Variants in FOXP2 observed in about 807,000 individuals in gnomAD.
FOXP2 encodes forkhead box P2.
A neutral mutation model predicts 115.8 loss-of-function variants in FOXP2; 12 were observed. That is an observed-to-expected ratio of 0.10 (90% CI 0.07 to 0.17). FOXP2 has a LOEUF of 0.17. Ranked by LOEUF, FOXP2 falls within the 10% of genes least tolerant of loss-of-function variation. The pLI, the probability that FOXP2 is intolerant of heterozygous loss-of-function variation, is 1.00. For synonymous variants in FOXP2, 328 were observed against 297.7 expected, an observed-to-expected ratio of 1.10 and a Z score of -1.05; for missense variants, 629 against 843.5, an observed-to-expected ratio of 0.75 and a Z score of 3.15.
intron 1 of FOXP2, among the ~76,000 whole-genome samples, chr7:114,120,265 A>G (rs1017028829): frequency 1.3e-5 from 2 of 152,148 alleles, no homozygotes; most frequent in Non-Finnish European, 2.9e-5. Flanking sequence ...TGTGGCTCAC[A>G]TACCACATGC....
chr7:114,358,769 A>C (rs1791674669), intron 2 of FOXP2, among the ~76,000 whole-genome samples: 1 of 152,184 alleles, frequency 6.6e-6, no homozygotes, highest in South Asian at 2.1e-4. Flanking sequence ...TCTAAGCAGC[A>C]AAGTGTTCAA....
At chr7:114,336,037 G>C (rs1325666627) in intron 2 of FOXP2, among the ~76,000 whole-genome samples, 1 of 151,670 alleles carries the variant, frequency 6.6e-6, no homozygotes, top group East Asian at 1.9e-4. Context: ...AGTGGCATGA[G>C]TGTGGTAAAA....
At chr7:114,521,564 G>A (rs1798628857) in intron 2 of FOXP2, among the ~76,000 whole-genome samples, 1 of 150,124 alleles carries the variant, frequency 6.7e-6, no homozygotes, top group South Asian at 2.1e-4. Context: ...GGGTAGGGGT[G>A]CCGTTTAGAG....
chr7:114,182,829 T>A (rs951072669), intron 1 of FOXP2, among the ~76,000 whole-genome samples: 1 of 152,132 alleles, frequency 6.6e-6, no homozygotes, highest in Admixed American at 6.6e-5. Flanking sequence ...AAAATGATTA[T>A]TTTTTGTATA....
chr7:114,589,992 T>C (rs1475867940), intron 3 of FOXP2, among the ~76,000 whole-genome samples: 1 of 152,138 alleles, frequency 6.6e-6, no homozygotes, highest in Non-Finnish European at 1.5e-5. Context: ...TATTCTGTTA[T>C]ACTAAACCAG....
intron 2 of FOXP2, among the ~76,000 whole-genome samples, chr7:114,294,146 G>A (rs1796678151): frequency 6.6e-6 from 1 of 152,140 alleles, no homozygotes; most frequent in African/African-American, 2.4e-5. Context: ...GATTCACCTG[G>A]AATACTGATT....
At chr7:114,193,150 G>T (rs993334830) in intron 1 of FOXP2, among the ~76,000 whole-genome samples, 2 of 151,960 alleles carry the variant, frequency 1.3e-5, no homozygotes, top group African/African-American at 4.8e-5. Context: ...TGAAGAAAAG[G>T]TATTTAATAC....
At chr7:114,293,712 C>T (rs147165652) in intron 2 of FOXP2, among the ~76,000 whole-genome samples, 2,368 of 152,272 alleles carry the variant, frequency 0.016, 37 homozygotes, top group Middle Eastern at 0.027. Context: ...TCACTAGGCA[C>T]TCATTCTCTC....
In FOXP2 at chr7:114,664,275, T is replaced by G. The variant is rs1258121459; in HGVS notation, c.1842T>G (p.Ala614=). The G allele has an allele frequency of 6.2e-7, 1 of 1,612,928 alleles. No individual in the cohort carries two copies. Among genetic ancestry groups the G allele is most frequent in the African/African-American group, 1.3e-5 (1 of 74,890 alleles). ...YGAALNASLQ[A]ALAESSLPLL... ...TTACACAATCTTCATTTCACTAGGC[T>G]GCCTTGGCAGAGAGCAGTTTACCTT... The change falls in exon 16 of 17, where the codon GCT becomes GCG. Residue 614 remains alanine (A), a splice_region_variant and synonymous_variant. Coordinates refer to ENST00000350908, the MANE Select transcript of FOXP2 (RefSeq NM_014491.4).
intron 2 of FOXP2, among the ~76,000 whole-genome samples, chr7:114,312,755 G>A (rs1797176821): frequency 6.6e-6 from 1 of 152,206 alleles, no homozygotes; most frequent in Admixed American, 6.5e-5. Context: ...TGTGTATGCA[G>A]TGGAGCTGCA....
intron 1 of FOXP2, among the ~76,000 whole-genome samples, chr7:114,201,873 T>C (rs2129159732): frequency 6.6e-6 from 1 of 152,342 alleles, no homozygotes; most frequent in African/African-American, 2.4e-5. Context: ...TACTTGATAC[T>C]ACCCTTAAGC....
At chr7:114,208,749 T>C (rs1287762925) in intron 1 of FOXP2, among the ~76,000 whole-genome samples, 1 of 152,092 alleles carries the variant, frequency 6.6e-6, no homozygotes, top group African/African-American at 2.4e-5. Flanking sequence ...GGTGGCTTTA[T>C]AAGGAGGAGT....
rs536709425 is a variant in FOXP2 at position 114,690,887 on chromosome 7, T to C, written c.*961T>C. On this transcript the variant is annotated 3_prime_UTR_variant, in exon 17 of 17. Coordinates refer to ENST00000350908, the MANE Select transcript of FOXP2 (RefSeq NM_014491.4). Reference sequence around the variant, plus strand: ...CTGTTTTCTGATGACCTCTGGGATCTTTTCATTTAGCCCTAAACAAAGAAA... The same window carrying C: ...CTGTTTTCTGATGACCTCTGGGATCCTTTCATTTAGCCCTAAACAAAGAAA... 2.2e-5 allele frequency: 10 copies of C among 454,354 alleles called. No homozygotes were observed. Among genetic ancestry groups the C allele is most frequent in the Non-Finnish European group, 4.0e-5 (9 of 226,772 alleles). 28.1% of individuals were successfully genotyped at this position (454,354 alleles called of 1,614,324 possible).
intron 2 of FOXP2, among the ~76,000 whole-genome samples, chr7:114,351,382 T>A (rs1180100313): frequency 6.6e-6 from 1 of 152,128 alleles, no homozygotes; most frequent in Non-Finnish European, 1.5e-5. Context: ...CTGACAGTAA[T>A]GTATTAAAAA....
At chr7:114,605,838 T>A (rs1803289497) in intron 3 of FOXP2, among the ~76,000 whole-genome samples, 1 of 152,202 alleles carries the variant, frequency 6.6e-6, no homozygotes, top group Admixed American at 6.5e-5. Flanking sequence ...TAAACTATCT[T>A]CTTTAGGATT....
At chr7:114,451,171 A>G (rs541008426) in intron 2 of FOXP2, among the ~76,000 whole-genome samples, 2 of 152,220 alleles carry the variant, frequency 1.3e-5, no homozygotes, top group African/African-American at 4.8e-5. Context: ...CCTGGGAAGC[A>G]TTTTAATGCT....
chr7:114,447,402 A>C (rs1794881449), intron 2 of FOXP2, among the ~76,000 whole-genome samples: 1 of 151,374 alleles, frequency 6.6e-6, no homozygotes, highest in African/African-American at 2.4e-5. Context: ...CACTGTGCCT[A>C]GCAAGGCTTA....
At chr7:114,542,949 C>A (rs1011455816) in intron 3 of FOXP2, among the ~76,000 whole-genome samples, 1 of 151,746 alleles carries the variant, frequency 6.6e-6, no homozygotes, top group Non-Finnish European at 1.5e-5. Flanking sequence ...CACCACCATG[C>A]CCAACTAATT....
intron 3 of FOXP2, among the ~76,000 whole-genome samples, chr7:114,551,675 G>A (rs1800214002): frequency 6.6e-6 from 1 of 151,890 alleles, no homozygotes; most frequent in South Asian, 2.1e-4. Context: ...ATCACAAAAG[G>A]GTTACCAGAT....
Sources: allele counts gnomAD v4.1 joint callset (sites outside exome capture counted in the v4.1 genomes callset), GRCh38; gene constraint gnomAD v4.1.1; transcripts MANE v1.5; gene names NCBI Gene and HGNC (gene_info 2026-07-23, HGNC 2026-07-21).